The following DLG1 variants were observed in gnomAD, a reference collection of about 807,000 sequenced individuals.
DLG1 encodes the protein disks large homolog 1.
DLG1 carries 42 observed loss-of-function variants against 123.4 expected under a neutral mutation model. That is an observed-to-expected ratio of 0.34 (90% CI 0.27 to 0.44). The LOEUF (loss-of-function observed/expected upper bound fraction) is 0.44, where lower values mean the gene tolerates loss of function less well. Among genes scored for constraint, DLG1 ranks in the 20% least tolerant of loss-of-function variants. DLG1 has a pLI of 1.00. For synonymous variants in DLG1, 317 were observed against 356.2 expected, an observed-to-expected ratio of 0.89 and a Z score of 1.24; for missense variants, 942 against 1,082.6, an observed-to-expected ratio of 0.87 and a Z score of 1.82.
At chr3:197,219,201 C>A (rs1007609403) in intron 4 of DLG1, among the ~76,000 whole-genome samples, 4 of 152,082 alleles carry the variant, frequency 2.6e-5, no homozygotes, top group African/African-American at 9.7e-5. Context: ...TCTTACCTAT[C>A]CTCTATTCTC....
chr3:197,206,610 T>C (rs1728648983), intron 4 of DLG1, among the ~76,000 whole-genome samples: 1 of 152,210 alleles, frequency 6.6e-6, no homozygotes, highest in Admixed American at 6.5e-5. Context: ...ATCTTTCTAT[T>C]CACCAAAAAG....
At chr3:197,269,884 C>A (rs1763208012) in intron 4 of DLG1, among the ~76,000 whole-genome samples, 1 of 152,132 alleles carries the variant, frequency 6.6e-6, no homozygotes, top group African/African-American at 2.4e-5. Flanking sequence ...GAAGACAAAG[C>A]ATATTGTATT....
chr3:197,208,872 A>G (rs1729949197), intron 4 of DLG1, among the ~76,000 whole-genome samples: 1 of 146,208 alleles, frequency 6.8e-6, no homozygotes, highest in South Asian at 2.6e-4. Context: ...ATTTCAAGCC[A>G]TGTGAATGTA....
intron 13 of DLG1, among the ~76,000 whole-genome samples, chr3:197,106,985 C>T (rs1412307260): frequency 6.6e-6 from 1 of 152,124 alleles, no homozygotes; most frequent in Non-Finnish European, 1.5e-5. Flanking sequence ...ATTTTCATTA[C>T]CCCAAAAAGA....
intron 4 of DLG1, among the ~76,000 whole-genome samples, chr3:197,215,476 T>A (rs1733644873): frequency 1.3e-5 from 2 of 152,074 alleles, no homozygotes. Flanking sequence ...TTCTAGTATG[T>A]AAGGATAGTC....
rs181402120 is a variant in DLG1 at position 197,108,190 on chromosome 3, C to T, written c.1444-3185G>A. Among the ~76,000 whole-genome samples the T allele has an allele frequency of 8.5e-5, 13 of 152,210 alleles. No individual in the cohort carries two copies. The East Asian group carries it at 2.5e-3, about 29-fold the overall frequency. On this transcript the variant is annotated intron_variant, in intron 13 of 24. Coordinates refer to ENST00000667157, the MANE Select transcript of DLG1 (RefSeq NM_001366207.1). ...TTATGGTACATCATCCTTGTTCATG[C>T]TGTTGGATCCAGGTTGTTATTTTGT...
At chr3:197,163,971 TA>T (rs1382942525) in intron 5 of DLG1, among the ~76,000 whole-genome samples, 1 of 152,076 alleles carries the variant, frequency 6.6e-6, no homozygotes. Context: ...ATTTTACCAA[TA>T]AAAAATATTC....
At chr3:197,154,747 T>C (rs1428419484) in intron 5 of DLG1, among the ~76,000 whole-genome samples, 1 of 151,384 alleles carries the variant, frequency 6.6e-6, no homozygotes, top group Admixed American at 6.6e-5. Context: ...GAAATATCAA[T>C]GAAGAGAAAT....
chr3:197,074,802 G>T (rs1746179736), intron 18 of DLG1, among the ~76,000 whole-genome samples: 7 of 152,002 alleles, frequency 4.6e-5, no homozygotes, highest in Admixed American at 4.6e-4. Flanking sequence ...TGAAATAAAA[G>T]TACCTGCAGT....
chr3:197,236,739 T>C (rs1284697424), intron 4 of DLG1, among the ~76,000 whole-genome samples: 1 of 152,160 alleles, frequency 6.6e-6, no homozygotes, highest in Non-Finnish European at 1.5e-5. Context: ...ACGGAGGTGG[T>C]AGACAATCTA....
chr3:197,235,847 T>A (rs1408842773), intron 4 of DLG1, among the ~76,000 whole-genome samples: 1 of 151,950 alleles, frequency 6.6e-6, no homozygotes, highest in African/African-American at 2.4e-5. Context: ...AATTAGCAGA[T>A]AAAAACTCAA....
chr3:197,092,903 A>G (rs1345415861), intron 14 of DLG1, among the ~76,000 whole-genome samples: 1 of 152,096 alleles, frequency 6.6e-6, no homozygotes, highest in Admixed American at 6.5e-5. Flanking sequence ...TTCAACTTCA[A>G]TTTGCCTTTA....
chr3:197,176,355 T>G (rs200829333), intron 5 of DLG1, among the ~76,000 whole-genome samples: 3 of 151,992 alleles, frequency 2.0e-5, no homozygotes, highest in Non-Finnish European at 4.4e-5. Flanking sequence ...GAGTTGACTG[T>G]GGGGGCTGGA....
chr3:197,285,935 A>G (rs2151185163), intron 3 of DLG1, among the ~76,000 whole-genome samples: 1 of 152,386 alleles, frequency 6.6e-6, no homozygotes, highest in African/African-American at 2.4e-5. Context: ...AAACGCTCAC[A>G]GTAGCTTTAT....
chr3:197,250,770 G>C (rs1037221922), intron 4 of DLG1, among the ~76,000 whole-genome samples: 1 of 151,790 alleles, frequency 6.6e-6, no homozygotes, highest in Non-Finnish European at 1.5e-5. Flanking sequence ...TGAGGTGGCA[G>C]ATCACTTGAA....
chr3:197,239,021 A>G lies in DLG1; in HGVS notation c.318+43658T>C, dbSNP rs140472947. Among the ~76,000 whole-genome samples, 563 of 152,270 alleles carry G rather than the reference A, an allele frequency of 3.7e-3. 4 individuals are homozygous for G. Among genetic ancestry groups the G allele is most frequent in the African/African-American group, 0.012 (494 of 41,578 alleles). ...ACAAAATAGAGAACAGAGAAACAGAAGAAAAAACTTAATGAAACCAAAAGT... is the reference window on the plus strand; with the variant it reads ...ACAAAATAGAGAACAGAGAAACAGAGGAAAAAACTTAATGAAACCAAAAGT... On this transcript the variant is annotated intron_variant, in intron 4 of 24. Transcript: ENST00000667157.
intron 19 of DLG1, among the ~76,000 whole-genome samples, chr3:197,067,546 TGAGA>T (rs1202769632): frequency 7.4e-6 from 1 of 135,708 alleles, no homozygotes; most frequent in Admixed American, 8.3e-5. Flanking sequence ...TTAAAAACTC[TGAGA>T]GTTTTTTTTT....
In DLG1 at chr3:197,136,669, A is replaced by C; in HGVS notation, c.893T>G (p.Phe298Cys). The C allele has an allele frequency of 6.2e-7, 1 of 1,610,762 alleles. No homozygotes were observed. Among genetic ancestry groups the C allele is most frequent in the East Asian group, 2.2e-5 (1 of 44,788 alleles). Residue 298 changes from phenylalanine to cysteine, a missense_variant, in exon 10 of 25, where the codon TTT (phenylalanine) becomes TGT (cysteine). Transcript: ENST00000667157. ...ATTTCCAACACCTCCAGCAATGCTA[A>C]ACCCAAGACCTGTTTGGAAAACAGT... ...KLIKGPKGLG[F>C]SIAGGVGNQH...
At chr3:197,297,388 T>C in intron 1 of DLG1, 153 bp from the exon 2 acceptor site, 12 of 1,439,986 alleles carry the variant, frequency 8.3e-6, no homozygotes, top group Non-Finnish European at 1.1e-5. Context: ...GCAGCAGTTG[T>C]CTGTCAACGT....
Sources: gnomAD v4.1 joint callset for allele counts (sites outside exome capture counted in the v4.1 genomes callset) on GRCh38, gnomAD v4.1.1 for gene constraint, MANE v1.5 for transcripts, NCBI Gene and HGNC (gene_info 2026-07-23, HGNC 2026-07-21) for gene names.